The following PEX5L variants were observed in gnomAD, a reference collection of about 807,000 sequenced individuals.
PEX5L encodes PEX5-related protein.
In PEX5L, 30 loss-of-function variants were observed where a neutral mutation model predicts 84.0. The observed-to-expected ratio is 0.36, with a 90% CI of 0.27 to 0.48. The LOEUF (loss-of-function observed/expected upper bound fraction) is 0.48. PEX5L is among the 20% of genes least tolerant of loss of function. The pLI, the probability that PEX5L is intolerant of heterozygous loss-of-function variation, is 0.99. For missense variants in PEX5L, 533 were observed against 754.6 expected, an observed-to-expected ratio of 0.71 and a Z score of 3.44; for synonymous variants, 270 against 283.1, an observed-to-expected ratio of 0.95 and a Z score of 0.46.
chr3:180,012,027 A>AT (rs949073004), intron 1 of PEX5L, among the ~76,000 whole-genome samples: 1 of 152,108 alleles, frequency 6.6e-6, no homozygotes, highest in Non-Finnish European at 1.5e-5. Flanking sequence ...CCTTAATTTG[A>AT]TTTTTTCCTC....
intron 8 of PEX5L, among the ~76,000 whole-genome samples, chr3:179,829,780 T>TC (rs1731977507): frequency 6.7e-6 from 1 of 149,934 alleles, no homozygotes; most frequent in Admixed American, 6.6e-5. Context: ...ATCTTTTTTT[T>TC]TTTTTTTTTT....
intron 1 of PEX5L, among the ~76,000 whole-genome samples, chr3:180,002,090 C>A (rs1270126258): frequency 1.3e-5 from 2 of 152,232 alleles, no homozygotes; most frequent in Middle Eastern, 3.4e-3. Flanking sequence ...TTAATGCCTG[C>A]ATGTTATTCT....
At chr3:179,962,408 G>A (rs1782305107) in intron 2 of PEX5L, among the ~76,000 whole-genome samples, 1 of 152,152 alleles carries the variant, frequency 6.6e-6, no homozygotes, top group South Asian at 2.1e-4. Context: ...TTTACTCCAA[G>A]ACTTGCTTAA....
At chr3:179,931,224 G>C (rs1773012738) in intron 2 of PEX5L, among the ~76,000 whole-genome samples, 1 of 152,248 alleles carries the variant, frequency 6.6e-6, no homozygotes. Context: ...ATTGGTGCCA[G>C]TATTGGGACC....
intron 1 of PEX5L, among the ~76,000 whole-genome samples, chr3:180,025,403 G>A (rs572886751): frequency 2.0e-5 from 3 of 152,322 alleles, no homozygotes; most frequent in Non-Finnish European, 2.9e-5. Flanking sequence ...ATATAAAGAT[G>A]TATTGGATAA....
At chr3:179,916,073 T>C (rs957056459) in intron 2 of PEX5L, among the ~76,000 whole-genome samples, 4 of 152,190 alleles carry the variant, frequency 2.6e-5, no homozygotes, top group African/African-American at 7.2e-5. Context: ...GTAGTAGTAA[T>C]AATAATCACT....
intron 2 of PEX5L, 116 bp from the exon 3 acceptor site, chr3:179,898,362 G>T: frequency 1.6e-6 from 1 of 643,212 alleles, no homozygotes; most frequent in Non-Finnish European, 2.5e-6. Flanking sequence ...GTAGGCTGCT[G>T]CAAGTGAATC....
chr3:180,014,180 C>T (rs1341180511), intron 1 of PEX5L, among the ~76,000 whole-genome samples: 1 of 152,190 alleles, frequency 6.6e-6, no homozygotes, highest in Non-Finnish European at 1.5e-5. Context: ...AGGAACTATC[C>T]TGAATTCTGT....
chr3:179,929,345 T>C (rs1443920089), intron 2 of PEX5L, among the ~76,000 whole-genome samples: 1 of 152,136 alleles, frequency 6.6e-6, no homozygotes, highest in East Asian at 1.9e-4. Flanking sequence ...ATAGAAAACC[T>C]AAAAGTTGAT....
intron 4 of PEX5L, among the ~76,000 whole-genome samples, chr3:179,884,731 G>T (rs1487159726): frequency 6.6e-6 from 1 of 152,148 alleles, no homozygotes; most frequent in East Asian, 1.9e-4. Context: ...TGACTTTATT[G>T]ATAAGGCTTT....
intron 2 of PEX5L, among the ~76,000 whole-genome samples, chr3:179,951,297 T>C (rs1325219545): frequency 6.6e-6 from 1 of 152,326 alleles, no homozygotes; most frequent in Admixed American, 6.5e-5. Flanking sequence ...CTCCCGTGTC[T>C]TTCTTCCTTA....
chr3:179,985,228 G>T (rs1786700355), intron 1 of PEX5L, among the ~76,000 whole-genome samples: 1 of 152,134 alleles, frequency 6.6e-6, no homozygotes, highest in Non-Finnish European at 1.5e-5. Context: ...AATGGTCTCT[G>T]TTATTATTGT....
intron 1 of PEX5L, among the ~76,000 whole-genome samples, chr3:180,000,057 A>T (rs1788254842): frequency 6.6e-6 from 1 of 152,172 alleles, no homozygotes. Context: ...TGGAAGTGGC[A>T]CCATTCACCA....
chr3:179,841,380 T>C (rs1345213862), intron 8 of PEX5L, among the ~76,000 whole-genome samples: 1 of 152,204 alleles, frequency 6.6e-6, no homozygotes, highest in Non-Finnish European at 1.5e-5. Flanking sequence ...TTCCCTCAAG[T>C]ACTGGCTCCT....
chr3:179,993,025 TA>T (rs200302621), intron 1 of PEX5L, among the ~76,000 whole-genome samples: 22 of 150,322 alleles, frequency 1.5e-4, no homozygotes, highest in South Asian at 4.2e-4. Flanking sequence ...GGATAACACT[TA>T]AAAAAAAACT....
chr3:179,892,471 T>C (rs1445589960), intron 3 of PEX5L, among the ~76,000 whole-genome samples: 1 of 152,148 alleles, frequency 6.6e-6, no homozygotes, highest in Non-Finnish European at 1.5e-5. Context: ...AGAGATCTCA[T>C]CCAAGAATTT....
At chr3:179,876,913 A>G (rs1472004848) in intron 5 of PEX5L, among the ~76,000 whole-genome samples, 4 of 152,114 alleles carry the variant, frequency 2.6e-5, no homozygotes, top group Admixed American at 2.6e-4. Flanking sequence ...GAATATTTGC[A>G]TGTGTCATAA....
chr3:179,992,594 A>C (rs1028512855), intron 1 of PEX5L, among the ~76,000 whole-genome samples: 1 of 152,240 alleles, frequency 6.6e-6, no homozygotes, highest in Admixed American at 6.5e-5. Context: ...ACAGAGATGC[A>C]GTGGAAACGT....
Position 179,819,981 on chromosome 3 carries a change from G to C in PEX5L, c.823-5C>G. The C allele has an allele frequency of 6.2e-7, 1 of 1,612,938 alleles. No homozygotes were observed. The highest frequency in any genetic ancestry group is 8.5e-7 in the Non-Finnish European group (1 of 1,179,044). Reference sequence around the variant, plus strand: ...ATCCCAAAACTCTGTATCTGACTGGGAGACAGGAAAAATGAATGGAGATGG... The same window carrying C: ...ATCCCAAAACTCTGTATCTGACTGGCAGACAGGAAAAATGAATGGAGATGG... On this transcript the variant is annotated splice_region_variant and splice_polypyrimidine_tract_variant and intron_variant, in intron 8 of 14. Transcript: ENST00000467460.
Sources: gnomAD v4.1 joint callset for allele counts (sites outside exome capture counted in the v4.1 genomes callset) on GRCh38, gnomAD v4.1.1 for gene constraint, MANE v1.5 for transcripts, NCBI Gene and HGNC (gene_info 2026-07-23, HGNC 2026-07-21) for gene names.